Variants in PDE6A observed in about 807,000 individuals in gnomAD.
The protein encoded by PDE6A is rod cGMP-specific 3',5'-cyclic phosphodiesterase subunit alpha.
PDE6A carries 84 observed loss-of-function variants against 106.3 expected under a neutral mutation model. The ratio of observed to expected loss-of-function variants is 0.79; its 90% CI spans 0.66 to 0.95. PDE6A has a LOEUF of 0.95. PDE6A is among the 40% of genes least tolerant of loss of function. The pLI is 0.00. For synonymous variants in PDE6A, 394 were observed against 386.6 expected, an observed-to-expected ratio of 1.02 and a Z score of -0.23; for missense variants, 1,052 against 1,084.9, an observed-to-expected ratio of 0.97 and a Z score of 0.43.
intron 8 of PDE6A, among the ~76,000 whole-genome samples, chr5:149,903,384 A>G (rs1581186467): frequency 6.6e-6 from 1 of 150,402 alleles, no homozygotes. Flanking sequence ...TATATTGTAT[A>G]TTATATATTG....
chr5:149,939,550 G>A (rs1233305715), intron 1 of PDE6A, among the ~76,000 whole-genome samples: 38 of 152,290 alleles, frequency 2.5e-4, no homozygotes, highest in Non-Finnish European at 8.8e-5. Flanking sequence ...CAAAATGGTC[G>A]TAATAGTAAT....
chr5:149,908,840 G>C (rs1038871771), intron 6 of PDE6A, among the ~76,000 whole-genome samples: 3 of 152,006 alleles, frequency 2.0e-5, no homozygotes, highest in Non-Finnish European at 2.9e-5. Flanking sequence ...AACATAGGGG[G>C]ACTCCATCTC....
chr5:149,913,758 G>A (rs1753462842), intron 6 of PDE6A, among the ~76,000 whole-genome samples: 1 of 152,238 alleles, frequency 6.6e-6, no homozygotes, highest in Non-Finnish European at 1.5e-5. Flanking sequence ...AACCATGGAT[G>A]TGGCTTTTAG....
rs752458299 is a variant in PDE6A at position 149,886,412 on chromosome 5, G to A, written c.1729-38C>T. On this transcript the variant is annotated intron_variant, in intron 13 of 21. Transcript: ENST00000255266. Reference sequence around the variant, plus strand: ...TCAGAGTGCAAATCATTCCTTTTGTGTAGGGGCTGGAAGCAGGGCTGAAAA... The same window carrying A: ...TCAGAGTGCAAATCATTCCTTTTGTATAGGGGCTGGAAGCAGGGCTGAAAA... 11 of 1,499,982 alleles carry A rather than the reference G, an allele frequency of 7.3e-6. No homozygotes were observed. In the African/African-American group the frequency reaches 1.1e-4, roughly 15 times the overall value. The allele number at this position is 1,499,982 out of a possible 1,614,324, so 92.9% of individuals were successfully genotyped here. A position where few individuals can be genotyped will look rare whatever the true frequency, so the allele number is the denominator to read the frequency against.
intron 5 of PDE6A, among the ~76,000 whole-genome samples, chr5:149,919,162 G>A (rs1753634474): frequency 6.6e-6 from 1 of 152,078 alleles, no homozygotes; most frequent in African/African-American, 2.4e-5. Context: ...CCTGGGCCTG[G>A]CTGCTGTCCT....
intron 17 of PDE6A, among the ~76,000 whole-genome samples, chr5:149,878,428 A>G (rs1215150184): frequency 6.6e-6 from 1 of 152,086 alleles, no homozygotes; most frequent in East Asian, 1.9e-4. Context: ...ATTGCTAGGT[A>G]TTTCGATTGT....
At chr5:149,943,470 C>T (rs1464107385) in intron 1 of PDE6A, among the ~76,000 whole-genome samples, 3 of 152,216 alleles carry the variant, frequency 2.0e-5, no homozygotes, top group Non-Finnish European at 4.4e-5. Flanking sequence ...CCACAGTGCA[C>T]TACCACATCC....
intron 8 of PDE6A, among the ~76,000 whole-genome samples, chr5:149,902,341 T>C (rs2113603665): frequency 6.6e-6 from 1 of 152,224 alleles, no homozygotes; most frequent in Non-Finnish European, 1.5e-5. Context: ...GCGATGCCCC[T>C]CCTCTCCCCT....
At chr5:149,886,733 T>C (rs1177137827) in intron 13 of PDE6A, among the ~76,000 whole-genome samples, 1 of 152,202 alleles carries the variant, frequency 6.6e-6, no homozygotes, top group Non-Finnish European at 1.5e-5. Flanking sequence ...AGTCAGGTTT[T>C]AGGATTTGGA....
intron 13 of PDE6A, among the ~76,000 whole-genome samples, chr5:149,891,409 G>A (rs1752540001): frequency 6.6e-6 from 1 of 152,216 alleles, no homozygotes; most frequent in Admixed American, 6.5e-5. Context: ...GATGGAGGTT[G>A]CAGTGAGCCG....
chr5:149,863,357 G>T lies in PDE6A; in HGVS notation c.2359-91C>A. The T allele has an allele frequency of 7.5e-7, 1 of 1,330,362 alleles. No homozygotes were observed. The highest frequency in any genetic ancestry group is 1.2e-5 in the South Asian group (1 of 83,596). The allele number at this position is 1,330,362 out of a possible 1,614,324, so 82.4% of individuals were successfully genotyped here. ...GCACAGCTGGAAACGTCCAACACTG[G>T]AATGAGCTGCTTCGGAGTAGCAGGC... On this transcript the variant is annotated intron_variant, in intron 20 of 21. Coordinates refer to ENST00000255266, the MANE Select transcript of PDE6A (RefSeq NM_000440.3). The surrounding 1 kb of genome is among the most constrained non-coding windows in gnomAD (Gnocchi z 4.7).
chr5:149,861,189 A>G (rs1042519551), intron 21 of PDE6A, among the ~76,000 whole-genome samples: 6 of 152,258 alleles, frequency 3.9e-5, no homozygotes, highest in African/African-American at 1.4e-4. Context: ...AGTGAGAACC[A>G]GTACTCGGCA....
At chr5:149,931,902 T>C (rs1341225243) in intron 3 of PDE6A, 1 of 705,762 alleles carries the variant, frequency 1.4e-6, no homozygotes, top group Admixed American at 2.7e-5. Flanking sequence ...TATTTTCAGG[T>C]TGTGGACTAT....
intron 5 of PDE6A, among the ~76,000 whole-genome samples, chr5:149,919,272 G>A (rs1023296308): frequency 2.0e-5 from 3 of 152,082 alleles, no homozygotes; most frequent in East Asian, 1.9e-4. Flanking sequence ...TTTGGGAGGC[G>A]GAGGTGGGCA....
At chr5:149,923,988 C>G (rs1328287235) in intron 4 of PDE6A, among the ~76,000 whole-genome samples, 6 of 152,130 alleles carry the variant, frequency 3.9e-5, no homozygotes, top group African/African-American at 1.2e-4. Context: ...ATGTTTTTGC[C>G]CTTCTCCCCA....
At chr5:149,913,686 C>A (rs1753460549) in intron 6 of PDE6A, among the ~76,000 whole-genome samples, 1 of 152,178 alleles carries the variant, frequency 6.6e-6, no homozygotes, top group Middle Eastern at 3.4e-3. Context: ...CTCCCACGAA[C>A]CGAATTACAG....
At chr5:149,870,710 C>CCT (rs1441492135) in intron 17 of PDE6A, among the ~76,000 whole-genome samples, 2 of 142,162 alleles carry the variant, frequency 1.4e-5, no homozygotes, top group Non-Finnish European at 3.0e-5. Flanking sequence ...AAGTGCTGTG[C>CCT]TGGGCACAGG....
chr5:149,935,562 C>G (rs1378110081), intron 1 of PDE6A, among the ~76,000 whole-genome samples: 1 of 152,140 alleles, frequency 6.6e-6, no homozygotes, highest in African/African-American at 2.4e-5. Flanking sequence ...ATGTAGGTCA[C>G]AAGGGATTGG....
At chr5:149,940,803 G>A (rs985582533) in intron 1 of PDE6A, among the ~76,000 whole-genome samples, 8 of 152,250 alleles carry the variant, frequency 5.3e-5, no homozygotes, top group African/African-American at 1.9e-4. Flanking sequence ...CGGCCTACCT[G>A]TTTGAATTCT....
Sources: allele counts gnomAD v4.1 joint callset (sites outside exome capture counted in the v4.1 genomes callset), GRCh38; gene constraint gnomAD v4.1.1; non-coding constraint Gnocchi (gnomAD v3.1); transcripts MANE v1.5; gene names NCBI Gene and HGNC (gene_info 2026-07-23, HGNC 2026-07-21).